UNC80: variants seen among roughly 807,000 people sequenced by gnomAD.
UNC80 encodes the protein unc-80 subunit of NALCN channel complex.
Under a neutral mutation model 384.6 loss-of-function variants are expected in UNC80, and 164 were observed. The ratio of observed to expected loss-of-function variants is 0.43; its 90% CI spans 0.38 to 0.49. The LOEUF (loss-of-function observed/expected upper bound fraction) is 0.49, where lower values mean the gene tolerates loss of function less well. UNC80 is among the 20% of genes least tolerant of loss of function. The probability of loss-of-function intolerance (pLI) is 0.00; values close to 1 mark genes in which losing one functional copy is unlikely to be tolerated. For missense variants in UNC80, 3,330 were observed against 4,143.0 expected, an observed-to-expected ratio of 0.80 and a Z score of 5.39; for synonymous variants, 1,486 against 1,527.8, an observed-to-expected ratio of 0.97 and a Z score of 0.64.
At position 209,918,529 on chromosome 2, in the gene UNC80, C is replaced by T; in HGVS notation, c.5212-3C>T. On this transcript the variant is annotated splice_region_variant and splice_polypyrimidine_tract_variant and intron_variant, in intron 32 of 64. Coordinates refer to ENST00000673920, the MANE Select transcript of UNC80 (RefSeq NM_001371986.1). ...ACCTAATTTTTCTGATGTCAACTAA[C>T]AGATTCCGCCTCCCAGTATCAATTT... 1 of 1,551,672 alleles carries T rather than the reference C, an allele frequency of 6.4e-7. No individual in the cohort carries two copies. The highest frequency in any genetic ancestry group is 8.7e-7 in the Non-Finnish European group (1 of 1,146,702).
At chr2:209,776,449 T>C (rs1021958145) in intron 3 of UNC80, among the ~76,000 whole-genome samples, 2 of 152,086 alleles carry the variant, frequency 1.3e-5, no homozygotes, top group African/African-American at 4.8e-5. Flanking sequence ...AGCATGGTGG[T>C]GCACACCTGT....
chr2:209,871,315 A>G (rs1469547348), intron 22 of UNC80, among the ~76,000 whole-genome samples: 2 of 152,156 alleles, frequency 1.3e-5, no homozygotes, highest in African/African-American at 2.4e-5. Flanking sequence ...GTTGAATTTT[A>G]TGTTCCTATA....
intron 26 of UNC80, among the ~76,000 whole-genome samples, chr2:209,890,798 C>T (rs989066217): frequency 1.3e-5 from 2 of 152,144 alleles, no homozygotes; most frequent in African/African-American, 2.4e-5. Flanking sequence ...CAATAAATAG[C>T]TATTGTTGTT....
chr2:209,792,240 G>T (rs2153825667), intron 6 of UNC80, among the ~76,000 whole-genome samples: 1 of 152,280 alleles, frequency 6.6e-6, no homozygotes, highest in Non-Finnish European at 1.5e-5. Flanking sequence ...GGACATGGAG[G>T]TTGCAATGAT....
At position 209,849,640 on chromosome 2, in the gene UNC80, A is replaced by C. The variant is rs551008844; in HGVS notation, c.3627+17A>C. ...TTGGATCTAGTAAGTTGGTGAAAGAATTTTCCCACCCTGCCCCCCATCCCA... is the reference window on the plus strand; with the variant it reads ...TTGGATCTAGTAAGTTGGTGAAAGACTTTTCCCACCCTGCCCCCCATCCCA... On this transcript the variant is annotated intron_variant, in intron 22 of 64. Transcript: ENST00000673920. The C allele has an allele frequency of 2.0e-4, 315 of 1,549,524 alleles. 5 individuals carry two copies. The South Asian group carries it at 3.6e-3, about 18-fold the overall frequency.
chr2:209,945,745 G>C (rs1487908574), intron 46 of UNC80, 102 bp from the exon 47 acceptor site: 1 of 677,548 alleles, frequency 1.5e-6, no homozygotes, highest in Non-Finnish European at 2.5e-6. Flanking sequence ...ACAAGAAAAG[G>C]CTACAGTATA....
At chr2:209,979,347 A>G (rs996339866) in intron 59 of UNC80, among the ~76,000 whole-genome samples, 2 of 149,338 alleles carry the variant, frequency 1.3e-5, no homozygotes, top group Non-Finnish European at 3.0e-5. Context: ...ATAACTAACC[A>G]AGGAAAGCAC....
In UNC80 at chr2:209,957,627, T is replaced by G; in HGVS notation, c.7458-17T>G. 1 of 1,543,924 alleles carries G rather than the reference T, an allele frequency of 6.5e-7. No homozygotes were observed. Among genetic ancestry groups the G allele is most frequent in the Non-Finnish European group, 8.8e-7 (1 of 1,140,712 alleles). ...GTTGTTGTTGTTTTGCTGTGGTGAT[T>G]ACTGTCATTGTTACAGGCCCATGAC... is the stretch of plus-strand genomic sequence containing the variant. On this transcript the variant is annotated splice_polypyrimidine_tract_variant and intron_variant, in intron 48 of 64. Transcript: ENST00000673920.
Position 209,867,217 on chromosome 2 carries a change from G to A in UNC80, c.3628-5541G>A, listed in dbSNP as rs549522829. 1.9e-4 allele frequency among the ~76,000 whole-genome samples: 29 copies of A among 152,304 alleles called. 1 individual carries two copies. The highest frequency in any genetic ancestry group is 6.7e-4 in the African/African-American group (28 of 41,564). ...AATGCAAATTTCCAGGCCCTACAAT[G>A]GATCTACTGAATCAGAATATCTGGG... On this transcript the variant is annotated intron_variant, in intron 22 of 64. Transcript: ENST00000673920.
rs2093361664 is a variant in UNC80, at chr2:209,989,912, T to G, written c.9315-2254T>G. Reference sequence around the variant, plus strand: ...AAGCCAGCCTTCGATATTCCAAATATAAACATGTTAGCAATCACATTTTTA... The same window carrying G: ...AAGCCAGCCTTCGATATTCCAAATAGAAACATGTTAGCAATCACATTTTTA... On this transcript the variant is annotated intron_variant, in intron 61 of 64. Transcript: ENST00000673920. Among the ~76,000 whole-genome samples the G allele has an allele frequency of 2.6e-5, 4 of 152,216 alleles. No individual in the cohort carries two copies. In the South Asian group the frequency reaches 8.3e-4, roughly 31 times the overall value.
chr2:209,794,963 C>T (rs79730380), intron 7 of UNC80: 221 of 326,400 alleles, frequency 6.8e-4, no homozygotes, highest in African/African-American at 4.6e-3. Context: ...GAAAAGATAC[C>T]CAAAAGTGTG....
chr2:209,873,406 C>G lies in UNC80; in HGVS notation c.3840+436C>G, dbSNP rs140526597. ...TATATTTTGTAAGGCATGATTTTTT[C>G]TAATTTCTTAGTGAAATTTTCTCTT... On this transcript the variant is annotated intron_variant, in intron 23 of 64. Coordinates refer to ENST00000673920, the MANE Select transcript of UNC80 (RefSeq NM_001371986.1). Among the ~76,000 whole-genome samples the G allele has an allele frequency of 3.3e-3, 502 of 152,166 alleles. 2 individuals are homozygous for G. Among genetic ancestry groups the G allele is most frequent in the Middle Eastern group, 0.014 (4 of 292 alleles).
rs1238265922 is a variant in UNC80 at position 209,996,474 on chromosome 2, T to C, written c.*879T>C. On this transcript the variant is annotated 3_prime_UTR_variant, in exon 65 of 65. Coordinates refer to ENST00000673920, the MANE Select transcript of UNC80 (RefSeq NM_001371986.1). The stretch of plus-strand genomic sequence containing the variant: ...ATGTGATTAGTAATACTTTTCCTTA[T>C]AGTATCCTGTGCCTGCCCTGGAGGG... 6.6e-6 allele frequency: 1 copy of C among 152,266 alleles called. No individual in the cohort carries two copies. The highest frequency in any genetic ancestry group is 1.5e-5 in the Non-Finnish European group (1 of 68,040). The allele number at this position is 152,266 out of a possible 1,614,324, so 9.4% of individuals were successfully genotyped here. A position where few individuals can be genotyped will look rare whatever the true frequency, so the allele number is the denominator to read the frequency against.
intron 47 of UNC80, among the ~76,000 whole-genome samples, chr2:209,947,548 T>G (rs527791021): frequency 1.1e-4 from 16 of 152,236 alleles, no homozygotes; most frequent in Non-Finnish European, 2.1e-4. Flanking sequence ...AAATTAGAAT[T>G]TTTTTTAATC....
intron 33 of UNC80, among the ~76,000 whole-genome samples, chr2:209,921,182 A>C (rs150053747): frequency 1.1e-3 from 168 of 152,354 alleles, no homozygotes; most frequent in African/African-American, 3.9e-3. Context: ...GAAATAGAGT[A>C]CTTAAAAATT....
At chr2:209,862,653 T>C (rs567368145) in intron 22 of UNC80, among the ~76,000 whole-genome samples, 1 of 146,162 alleles carries the variant, frequency 6.8e-6, no homozygotes, top group South Asian at 2.2e-4. Flanking sequence ...CCTCTGCTTT[T>C]TTTTTTTTTT....
At chr2:209,886,137 A>T (rs538238589) in intron 25 of UNC80, among the ~76,000 whole-genome samples, 100 of 152,070 alleles carry the variant, frequency 6.6e-4, no homozygotes, top group African/African-American at 2.3e-3. Flanking sequence ...AAAATCTTTT[A>T]AAAAATTACA....
chr2:209,881,999 C>T (rs976179289), intron 25 of UNC80, among the ~76,000 whole-genome samples: 1 of 141,622 alleles, frequency 7.1e-6, no homozygotes, highest in Non-Finnish European at 1.5e-5. Flanking sequence ...CGGAGTCTTG[C>T]TCTGTTGCCC....
At chr2:209,790,432 C>T (rs974899643) in intron 6 of UNC80, among the ~76,000 whole-genome samples, 8 of 152,134 alleles carry the variant, frequency 5.3e-5, no homozygotes, top group South Asian at 2.1e-4. Flanking sequence ...TAAGTACAGA[C>T]GCTGTGATTT....
Sources: allele counts gnomAD v4.1 joint callset (sites outside exome capture counted in the v4.1 genomes callset), GRCh38; gene constraint gnomAD v4.1.1; transcripts MANE v1.5; gene names NCBI Gene and HGNC (gene_info 2026-07-23, HGNC 2026-07-21).